DOCK2: variants seen among roughly 807,000 people sequenced by gnomAD.
DOCK2 encodes dedicator of cytokinesis protein 2.
In DOCK2, 87 loss-of-function variants were observed where a neutral mutation model predicts 248.9. That is an observed-to-expected ratio of 0.35 (90% confidence interval 0.29 to 0.42). DOCK2 has a LOEUF of 0.42. DOCK2 is among the 10% of genes least tolerant of loss of function. The pLI, the probability that DOCK2 is intolerant of heterozygous loss-of-function variation, is 1.00. For synonymous variants in DOCK2, 805 were observed against 821.6 expected, an observed-to-expected ratio of 0.98 and a Z score of 0.35; for missense variants, 1,747 against 2,300.2, an observed-to-expected ratio of 0.76 and a Z score of 4.92.
chr5:169,842,457 A>G (rs1040144509), intron 27 of DOCK2, among the ~76,000 whole-genome samples: 4 of 152,152 alleles, frequency 2.6e-5, no homozygotes, highest in Admixed American at 2.6e-4. Flanking sequence ...TCCTGGGTTC[A>G]AGTGATTGTC....
chr5:170,055,418 G>T, intron 42 of DOCK2, 32 bp downstream of exon 42: 1 of 1,607,728 alleles, frequency 6.2e-7, no homozygotes, highest in Non-Finnish European at 8.5e-7. Flanking sequence ...GAAGAAGGAT[G>T]GGGAAGAGAA....
At chr5:169,840,623 A>ATGG (rs2113333048) in intron 26 of DOCK2, 134 bp from the exon 27 acceptor site, 1 of 688,034 alleles carries the variant, frequency 1.5e-6, no homozygotes, top group South Asian at 1.7e-5. Flanking sequence ...GATGATGATG[A>ATGG]TGGCAGTAGT....
chr5:169,888,243 G>A (rs1488712491), intron 27 of DOCK2, among the ~76,000 whole-genome samples: 1 of 152,132 alleles, frequency 6.6e-6, no homozygotes, highest in African/African-American at 2.4e-5. Flanking sequence ...AGCACCCTCT[G>A]GAGGCCCTTA....
At chr5:169,895,545 G>A (rs1433354130) in intron 27 of DOCK2, among the ~76,000 whole-genome samples, 1 of 151,838 alleles carries the variant, frequency 6.6e-6, no homozygotes, top group African/African-American at 2.4e-5. Flanking sequence ...TTCTTTTGGG[G>A]GTAGGATCAC....
rs369027782 is a variant in DOCK2, at chr5:169,695,945, G to T, written c.979+7G>T. On this transcript the variant is annotated splice_region_variant and intron_variant, in intron 10 of 51. Coordinates refer to ENST00000520908, the MANE Select transcript of DOCK2 (RefSeq NM_004946.3). The stretch of plus-strand genomic sequence containing the variant: ...AGGCCCTTTGGGGTGGCAGGTAAGG[G>T]GCACACTCTGCATCATTGATTTTTA... The T allele has an allele frequency of 6.3e-7, 1 of 1,588,300 alleles. No homozygotes were observed. Among genetic ancestry groups the T allele is most frequent in the Admixed American group, 1.9e-5 (1 of 53,652 alleles).
At chr5:170,079,860 A>C in intron 49 of DOCK2, 1 of 256,582 alleles carries the variant, frequency 3.9e-6, no homozygotes, top group Non-Finnish European at 7.4e-6. Flanking sequence ...CTCGCAGGCT[A>C]CTCTTGCGTG....
intron 14 of DOCK2, among the ~76,000 whole-genome samples, chr5:169,706,063 A>T (rs113730016): frequency 8.3e-4 from 126 of 152,222 alleles, no homozygotes; most frequent in Non-Finnish European, 1.2e-3. Context: ...ATGCTCTCTC[A>T]GTGCACTTCC....
In DOCK2 at chr5:169,927,901, A is replaced by C. The variant is rs375262240; in HGVS notation, c.2800-55167A>C. Among the ~76,000 whole-genome samples, 51 of 152,274 alleles carry C rather than the reference A, an allele frequency of 3.3e-4. 1 individual carries two copies. The highest frequency in any genetic ancestry group is 2.1e-3 in the South Asian group (10 of 4,826). ...AAAGTGCTGGGATTACAGGCATGAG[A>C]CACTGCTCCCGGCCCGAAAAATTCT... On this transcript the variant is annotated intron_variant, in intron 27 of 51. Transcript: ENST00000520908.
chr5:169,737,994 G>A (rs1432338659), intron 22 of DOCK2, among the ~76,000 whole-genome samples: 1 of 152,182 alleles, frequency 6.6e-6, no homozygotes, highest in Non-Finnish European at 1.5e-5. Flanking sequence ...GAAATGGGGG[G>A]CAGTCCTGGG....
At chr5:169,852,685 C>A (rs1246007309) in intron 27 of DOCK2, among the ~76,000 whole-genome samples, 1 of 152,198 alleles carries the variant, frequency 6.6e-6, no homozygotes, top group Non-Finnish European at 1.5e-5. Context: ...TTAATAATAG[C>A]CATTATTATT....
intron 25 of DOCK2, among the ~76,000 whole-genome samples, chr5:169,781,126 T>TCA (rs1219018035): frequency 3.3e-5 from 5 of 152,176 alleles, no homozygotes; most frequent in Non-Finnish European, 7.3e-5. Context: ...CTATGCTCAC[T>TCA]CACACAGTGG....
At position 169,638,919 on chromosome 5, in the gene DOCK2, AG is replaced by A. The variant is rs142742638; in HGVS notation, c.43+1554del. 9.0e-3 allele frequency among the ~76,000 whole-genome samples: 1,373 copies of A among 152,322 alleles called. 27 individuals carry two copies. The highest frequency in any genetic ancestry group is 0.032 in the African/African-American group (1,313 of 41,570). On this transcript the variant is annotated intron_variant, in intron 1 of 51. Transcript: ENST00000520908. The stretch of plus-strand genomic sequence containing the variant: ...GCATGGCACCAGAAAAGCATCTAGA[AG>A]GGGAACATCATGGGTAAAGGCAGGG...
chr5:169,884,699 A>G (rs1772867859), intron 27 of DOCK2: 2 of 152,434 alleles, frequency 1.3e-5, no homozygotes, highest in Admixed American at 1.3e-4. Flanking sequence ...GCCGAAGTTC[A>G]CATGTGGGCA....
In DOCK2 at chr5:170,069,536, C is replaced by G. The variant is rs150662766; in HGVS notation, c.4728+316C>G. ...GCGGGATGCAAATAAACACCAGGCCCCCACACTCCAAACCAGCACCTTCCC... is the reference window on the plus strand; with the variant it reads ...GCGGGATGCAAATAAACACCAGGCCGCCACACTCCAAACCAGCACCTTCCC... On this transcript the variant is annotated intron_variant, in intron 46 of 51. Coordinates refer to ENST00000520908, the MANE Select transcript of DOCK2 (RefSeq NM_004946.3). 6.0e-3 allele frequency among the ~76,000 whole-genome samples: 921 copies of G among 152,250 alleles called. 12 individuals are homozygous for G. The highest frequency in any genetic ancestry group is 0.021 in the African/African-American group (887 of 41,538).
chr5:169,780,914 C>CA (rs201191467), intron 25 of DOCK2, among the ~76,000 whole-genome samples: 1,584 of 152,150 alleles, frequency 0.01, 30 homozygotes, highest in African/African-American at 0.037. Flanking sequence ...AAATAAAGAC[C>CA]AAAACACTTC....
chr5:169,883,520 CT>C, intron 27 of DOCK2: 1 of 1,551,624 alleles, frequency 6.4e-7, no homozygotes, highest in Non-Finnish European at 8.7e-7. Context: ...CTTTGGGAGG[CT>C]GTTGGCATTT....
At chr5:169,998,649 T>C (rs1379155794) in intron 30 of DOCK2, among the ~76,000 whole-genome samples, 1 of 152,212 alleles carries the variant, frequency 6.6e-6, no homozygotes, top group Non-Finnish European at 1.5e-5. Flanking sequence ...GGAGATAGCA[T>C]GGTGTCACCG....
chr5:169,897,272 C>T (rs1265662168), intron 27 of DOCK2, among the ~76,000 whole-genome samples: 2 of 152,034 alleles, frequency 1.3e-5, no homozygotes, highest in East Asian at 1.9e-4. Context: ...GCACCTTCCA[C>T]CTCCTGGGTT....
intron 27 of DOCK2, among the ~76,000 whole-genome samples, chr5:169,924,488 G>A (rs760512785): frequency 3.9e-5 from 6 of 152,086 alleles, no homozygotes; most frequent in Non-Finnish European, 7.4e-5. Flanking sequence ...TCATTTATTT[G>A]TTCCTGAGAA....
Sources: allele counts gnomAD v4.1 joint callset (sites outside exome capture counted in the v4.1 genomes callset), GRCh38; gene constraint gnomAD v4.1.1; transcripts MANE v1.5; gene names NCBI Gene and HGNC (gene_info 2026-07-23, HGNC 2026-07-21).